The following ATP6V1A variants were observed in gnomAD, a reference collection of about 807,000 sequenced individuals.
ATP6V1A encodes the protein ATPase H+ transporting V1 subunit A.
A neutral mutation model predicts 70.1 loss-of-function variants in ATP6V1A; 18 were observed. The ratio of observed to expected loss-of-function variants is 0.26; its 90% CI spans 0.18 to 0.38. The LOEUF is 0.38. ATP6V1A is among the 10% of genes least tolerant of loss of function. The probability of loss-of-function intolerance (pLI) is 1.00; values close to 1 mark genes in which losing one functional copy is unlikely to be tolerated. For synonymous variants in ATP6V1A, 232 were observed against 253.8 expected, an observed-to-expected ratio of 0.91 and a Z score of 0.82; for missense variants, 424 against 772.4, an observed-to-expected ratio of 0.55 and a Z score of 5.35.
At chr3:113,769,564 A>G (rs1306322883) in intron 1 of ATP6V1A, among the ~76,000 whole-genome samples, 1 of 152,188 alleles carries the variant, frequency 6.6e-6, no homozygotes, top group Non-Finnish European at 1.5e-5. Flanking sequence ...TTTGCCCCCA[A>G]CAGCCATATC....
At chr3:113,765,515 G>A (rs1708758149) in intron 1 of ATP6V1A, among the ~76,000 whole-genome samples, 1 of 151,878 alleles carries the variant, frequency 6.6e-6, no homozygotes, top group South Asian at 2.1e-4. Flanking sequence ...GAGGCAGGAA[G>A]AGTAGCTTAA....
intron 14 of ATP6V1A, 29 bp from the exon 15 acceptor site, chr3:113,809,306 C>T (rs999023348): frequency 1.3e-6 from 2 of 1,566,942 alleles, no homozygotes; most frequent in Admixed American, 1.8e-5. Flanking sequence ...TTTCCAAATG[C>T]GAGTTGAATT....
intron 1 of ATP6V1A, among the ~76,000 whole-genome samples, chr3:113,756,288 A>T (rs1250582153): frequency 6.6e-6 from 1 of 152,198 alleles, no homozygotes; most frequent in Admixed American, 6.5e-5. Context: ...TGGACATTCC[A>T]ATCTTTTGCT....
At chr3:113,754,296 G>A (rs1708622957) in intron 1 of ATP6V1A, among the ~76,000 whole-genome samples, 2 of 152,178 alleles carry the variant, frequency 1.3e-5, no homozygotes, top group South Asian at 4.1e-4. Context: ...GGCTGAGGCA[G>A]GTAGATCGCT....
chr3:113,807,959 C>T (rs935994389), intron 14 of ATP6V1A, among the ~76,000 whole-genome samples: 9 of 151,756 alleles, frequency 5.9e-5, no homozygotes, highest in Non-Finnish European at 1.3e-4. Context: ...GGAGAAACCC[C>T]GTCTCTACTA....
intron 1 of ATP6V1A, among the ~76,000 whole-genome samples, chr3:113,759,817 A>G (rs1165289956): frequency 6.6e-6 from 1 of 152,210 alleles, no homozygotes; most frequent in East Asian, 1.9e-4. Flanking sequence ...CACCCTTGCC[A>G]GTACTGTCAC....
intron 1 of ATP6V1A, among the ~76,000 whole-genome samples, chr3:113,763,088 TC>T (rs1466905911): frequency 6.6e-6 from 1 of 151,550 alleles, no homozygotes; most frequent in Non-Finnish European, 1.5e-5. Flanking sequence ...CTTTTTACCT[TC>T]CATTTATTCT....
At chr3:113,794,848 A>G (rs773151009) in intron 8 of ATP6V1A, 24 bp from the exon 9 acceptor site, 2 of 1,589,606 alleles carry the variant, frequency 1.3e-6, no homozygotes, top group Non-Finnish European at 1.7e-6. Flanking sequence ...ATTGTAACTT[A>G]TAATAATATT....
Position 113,805,424 on chromosome 3 carries a change from G to A in ATP6V1A, c.1660G>A (p.Ala554Thr), listed in dbSNP as rs538832415. 8.1e-6 allele frequency: 13 copies of A among 1,613,920 alleles called. No homozygotes were observed. In the South Asian group the frequency reaches 1.2e-4, roughly 15 times the overall value. The change falls in exon 14 of 15, where the codon GCT (alanine) becomes ACT (threonine). Residue 554 changes from alanine (A) to threonine (T), a missense_variant. Around this residue, in one of 9 missense-constraint regions of ATP6V1A, gnomAD observed 127 missense variants for 207.9 expected, o/e 0.61. Coordinates refer to ENST00000273398, the MANE Select transcript of ATP6V1A (RefSeq NM_001690.4). ...TGCATTTTATGATATGGCTCGTAGA[G>A]CTGTTGAAACCACTGCCCAGAGTGA... ...MIAFYDMARR[A>T]VETTAQSDNK...
chr3:113,777,043 T>G (rs1367172299), intron 1 of ATP6V1A, among the ~76,000 whole-genome samples: 1 of 152,240 alleles, frequency 6.6e-6, no homozygotes, highest in African/African-American at 2.4e-5. Flanking sequence ...TGACTCTTTG[T>G]GGTTAATTTT....
intron 12 of ATP6V1A, among the ~76,000 whole-genome samples, chr3:113,799,614 A>G (rs529510682): frequency 4.2e-4 from 64 of 152,206 alleles, no homozygotes; most frequent in Non-Finnish European, 7.9e-4. Flanking sequence ...AAAGAAAGAG[A>G]TAACAGTGTC....
chr3:113,806,813 A>G (rs1709280694), intron 14 of ATP6V1A, among the ~76,000 whole-genome samples: 1 of 152,226 alleles, frequency 6.6e-6, no homozygotes, highest in African/African-American at 2.4e-5. Flanking sequence ...CAAGATAAAA[A>G]TAGATAATTA....
intron 6 of ATP6V1A, among the ~76,000 whole-genome samples, chr3:113,788,353 A>G (rs935420834): frequency 1.8e-4 from 27 of 148,326 alleles, no homozygotes; most frequent in African/African-American, 6.5e-4. Flanking sequence ...ATTTTTTTTG[A>G]GATGGAGTTT....
intron 1 of ATP6V1A, among the ~76,000 whole-genome samples, chr3:113,763,641 T>C (rs1708731703): frequency 6.6e-6 from 1 of 152,228 alleles, no homozygotes; most frequent in African/African-American, 2.4e-5. Flanking sequence ...ATAAATATTG[T>C]ACTGTATTTA....
intron 12 of ATP6V1A, chr3:113,801,080 AG>A (rs1709206739): frequency 6.6e-6 from 1 of 152,186 alleles, no homozygotes; most frequent in Non-Finnish European, 1.5e-5. Flanking sequence ...ACTTGAGCTC[AG>A]GAGGTTGAGA....
At chr3:113,786,807 C>T (rs1275963408) in intron 6 of ATP6V1A, among the ~76,000 whole-genome samples, 1 of 150,694 alleles carries the variant, frequency 6.6e-6, no homozygotes, top group African/African-American at 2.4e-5. Context: ...GACAGGATCT[C>T]ACTCTGTCGC....
At position 113,786,257 on chromosome 3, in the gene ATP6V1A, A is replaced by G. The variant is rs747456726; in HGVS notation, c.590A>G (p.Glu197Gly). The G allele has an allele frequency of 7.5e-6, 12 of 1,607,486 alleles. No homozygotes were observed. The highest frequency in any genetic ancestry group is 9.4e-6 in the Non-Finnish European group (11 of 1,176,132). The stretch of plus-strand genomic sequence containing the variant: ...GATGTTGTCTTGGAGCTTGAATTTG[A>G]AGGTGTAAAGGAGAAGTTCACCATG... The part of the protein sequence containing the change: ...TSDVVLELEF[E>G]GVKEKFTMVQ... The change falls in exon 6 of 15, where the codon GAA (glutamate) becomes GGA (glycine). Residue 197 changes from glutamate to glycine, a missense_variant. Transcript: ENST00000273398.
intron 11 of ATP6V1A, among the ~76,000 whole-genome samples, chr3:113,797,210 TACAAGCG>T (rs1709161684): frequency 6.6e-6 from 1 of 151,442 alleles, no homozygotes; most frequent in African/African-American, 2.4e-5. Context: ...GTGCAGGGAT[TACAAGCG>T]TGAGCCACCA....
chr3:113,767,415 A>T (rs1422132284), intron 1 of ATP6V1A, among the ~76,000 whole-genome samples: 2 of 152,064 alleles, frequency 1.3e-5, no homozygotes, highest in Admixed American at 6.6e-5. Flanking sequence ...ATTTCAGAAC[A>T]TTTTACTGAG....
Sources: allele counts gnomAD v4.1 joint callset (sites outside exome capture counted in the v4.1 genomes callset), GRCh38; gene constraint gnomAD v4.1.1; regional missense constraint gnomAD v4.1.1; transcripts MANE v1.5; gene names NCBI Gene and HGNC (gene_info 2026-07-23, HGNC 2026-07-21).